Variants in TLE4 observed in about 807,000 individuals in gnomAD.
TLE4 encodes TLE family member 4, transcriptional corepressor.
TLE4 carries 8 observed loss-of-function variants against 92.8 expected under a neutral mutation model. The ratio of observed to expected loss-of-function variants is 0.09; its 90% CI spans 0.05 to 0.16. The LOEUF (loss-of-function observed/expected upper bound fraction) is 0.16. Among genes scored for constraint, TLE4 ranks in the 10% least tolerant of loss-of-function variants. The probability of loss-of-function intolerance (pLI) is 1.00; values close to 1 mark genes in which losing one functional copy is unlikely to be tolerated. For synonymous variants in TLE4, 371 were observed against 374.1 expected (o/e 0.99, Z 0.10); for missense variants, 675 against 997.6 (o/e 0.68, Z 4.36).
intron 1 of TLE4, chr9:79,573,381 A>C: frequency 8.6e-7 from 1 of 1,160,916 alleles, no homozygotes; most frequent in Non-Finnish European, 1.1e-6. Context: ...GTGAGGAGGG[A>C]GTGGGCGCGG....
intron 6 of TLE4, among the ~76,000 whole-genome samples, chr9:79,631,461 T>C (rs1420277363): frequency 6.6e-6 from 1 of 152,220 alleles, no homozygotes; most frequent in Non-Finnish European, 1.5e-5. Context: ...TTAAATCTAT[T>C]TAAATATTAC....
Position 79,726,562 on chromosome 9 carries a change from T to C in TLE4, c.*1418T>C, listed in dbSNP as rs901037721. The C allele has an allele frequency of 1.3e-5, 2 of 152,648 alleles. No individual in the cohort carries two copies. Among genetic ancestry groups the C allele is most frequent in the African/African-American group, 4.8e-5 (2 of 41,462 alleles). The allele number at this position is 152,648 out of a possible 1,614,324, so 9.5% of individuals were successfully genotyped here. On this transcript the variant is annotated 3_prime_UTR_variant, in exon 20 of 20. Coordinates refer to ENST00000376552, the MANE Select transcript of TLE4 (RefSeq NM_007005.6). ...TAGCAGAAAAAAAAAAATGGTGTCTTAAGTGCTTAGTGTTTGATGTCATTA... is the reference window on the plus strand; with the variant it reads ...TAGCAGAAAAAAAAAAATGGTGTCTCAAGTGCTTAGTGTTTGATGTCATTA...
chr9:79,721,115 A>G (rs2075562740), intron 16 of TLE4, among the ~76,000 whole-genome samples: 1 of 152,232 alleles, frequency 6.6e-6, no homozygotes, highest in South Asian at 2.1e-4. Flanking sequence ...AAAACAAATC[A>G]TCACTTTCAT....
At chr9:79,687,939 A>G (rs4877500) in intron 8 of TLE4, among the ~76,000 whole-genome samples, 82,907 of 152,044 alleles carry the variant, frequency 0.55, 25,524 homozygotes, top group East Asian at 0.74. Context: ...TGAGACTGGG[A>G]TTCTGCATTT....
chr9:79,700,659 T>A (rs955172136), intron 8 of TLE4, among the ~76,000 whole-genome samples: 6 of 152,234 alleles, frequency 3.9e-5, no homozygotes, highest in Non-Finnish European at 7.3e-5. Context: ...TCTTGGTTTC[T>A]CCTTGTTTTC....
chr9:79,611,470 G>T (rs2048349265), intron 4 of TLE4, among the ~76,000 whole-genome samples: 1 of 152,058 alleles, frequency 6.6e-6, no homozygotes, highest in African/African-American at 2.4e-5. Context: ...TAGAAGGGTT[G>T]CTGATGAAAG....
chr9:79,633,019 T>A (rs912001348), intron 6 of TLE4, among the ~76,000 whole-genome samples: 1 of 152,166 alleles, frequency 6.6e-6, no homozygotes, highest in Non-Finnish European at 1.5e-5. Context: ...TTCTTTATCT[T>A]CTGTGGGTGT....
chr9:79,716,461 T>A (rs2074515293), intron 14 of TLE4, among the ~76,000 whole-genome samples: 2 of 152,184 alleles, frequency 1.3e-5, no homozygotes, highest in African/African-American at 4.8e-5. Flanking sequence ...TATCAGGTAT[T>A]TATGTTTATC....
At chr9:79,574,446 T>G (rs1005045592) in intron 2 of TLE4, among the ~76,000 whole-genome samples, 7 of 152,204 alleles carry the variant, frequency 4.6e-5, no homozygotes, top group Admixed American at 2.0e-4. Context: ...TCATAAGACA[T>G]GCTTGATTCA....
At chr9:79,684,944 A>G (rs2065514501) in intron 8 of TLE4, among the ~76,000 whole-genome samples, 2 of 152,220 alleles carry the variant, frequency 1.3e-5, no homozygotes, top group South Asian at 2.1e-4. Flanking sequence ...TTAGAGGTAA[A>G]GGAAAGTCTG....
intron 4 of TLE4, among the ~76,000 whole-genome samples, chr9:79,612,072 A>G (rs1320523015): frequency 3.9e-5 from 6 of 152,004 alleles, no homozygotes; most frequent in Admixed American, 1.3e-4. Context: ...ACATTTGGAA[A>G]TTTTTATGGT....
intron 8 of TLE4, among the ~76,000 whole-genome samples, chr9:79,694,053 T>G (rs1405203293): frequency 6.6e-6 from 1 of 152,104 alleles, no homozygotes; most frequent in Non-Finnish European, 1.5e-5. Context: ...GTCAACAACC[T>G]CTTTAGCCCA....
intron 8 of TLE4, among the ~76,000 whole-genome samples, chr9:79,667,839 A>T (rs2061652691): frequency 6.6e-6 from 1 of 152,210 alleles, no homozygotes; most frequent in Non-Finnish European, 1.5e-5. Flanking sequence ...TGAAGATTCG[A>T]GATTCTTAAA....
intron 19 of TLE4, among the ~76,000 whole-genome samples, chr9:79,724,392 C>T (rs897204197): frequency 6.6e-6 from 1 of 151,982 alleles, no homozygotes; most frequent in South Asian, 2.1e-4. Flanking sequence ...AGTAACACCC[C>T]GTCTTAATGG....
chr9:79,638,290 C>A (rs1587660074), intron 6 of TLE4, among the ~76,000 whole-genome samples: 1 of 152,090 alleles, frequency 6.6e-6, no homozygotes, highest in Admixed American at 6.6e-5. Context: ...GAAATTACTT[C>A]ATTGCTTTGT....
intron 5 of TLE4, among the ~76,000 whole-genome samples, chr9:79,625,940 C>T (rs1028388940): frequency 4.0e-5 from 6 of 150,560 alleles, no homozygotes; most frequent in Admixed American, 1.3e-4. Context: ...TAAGCTCCTG[C>T]TTTGAAAATG....
intron 8 of TLE4, among the ~76,000 whole-genome samples, chr9:79,693,883 A>G (rs1366433086): frequency 6.6e-6 from 1 of 152,150 alleles, no homozygotes; most frequent in Non-Finnish European, 1.5e-5. Context: ...CTTGCAGTCC[A>G]TTTTCAGCAT....
chr9:79,597,828 G>C (rs1222629671), intron 4 of TLE4, among the ~76,000 whole-genome samples: 1 of 152,090 alleles, frequency 6.6e-6, no homozygotes, highest in East Asian at 1.9e-4. Flanking sequence ...CTGTAAAATG[G>C]GGACGAGAGT....
chr9:79,617,648 C>G (rs935883504), intron 5 of TLE4, among the ~76,000 whole-genome samples: 11 of 152,142 alleles, frequency 7.2e-5, no homozygotes, highest in African/African-American at 2.7e-4. Flanking sequence ...AATCTTGGCT[C>G]AGCCACTTGC....
Sources: allele counts gnomAD v4.1 joint callset (sites outside exome capture counted in the v4.1 genomes callset), GRCh38; gene constraint gnomAD v4.1.1; transcripts MANE v1.5; gene names NCBI Gene and HGNC (gene_info 2026-07-23, HGNC 2026-07-21).